NCF1: variants seen among roughly 807,000 people sequenced by gnomAD.
NCF1 encodes the protein neutrophil cytosol factor 1.
NCF1 carries 8 observed loss-of-function variants against 34.9 expected under a neutral mutation model. That is an observed-to-expected ratio of 0.23 (90% CI 0.13 to 0.41). The LOEUF (loss-of-function observed/expected upper bound fraction) is 0.41, where lower values mean the gene tolerates loss of function less well. Among genes scored for constraint, NCF1 ranks in the 10% least tolerant of loss-of-function variants. NCF1 has a pLI of 1.00. For missense variants in NCF1, 122 were observed against 362.4 expected (o/e 0.34, Z 5.39); for synonymous variants, 57 against 146.3 (o/e 0.39, Z 4.41).
At position 74,777,284 on chromosome 7, in the gene NCF1, G is replaced by A; in HGVS notation, c.90G>A (p.Val30=). ...PSQHYVYMFL[V]KWQDLSEKVV... ...TCCCCCAGGTGTACATGTTCCTGGT[G>A]AAATGGCAGGACCTGTCGGAGAAGG... Residue 30 remains valine, a synonymous_variant, in exon 2 of 11, where the codon GTG becomes GTA. Coordinates refer to ENST00000289473, the MANE Select transcript of NCF1 (RefSeq NM_000265.7). 2 of 1,612,616 alleles carry A rather than the reference G, an allele frequency of 1.2e-6. No individual in the cohort carries two copies. The highest frequency in any genetic ancestry group is 1.7e-6 in the Non-Finnish European group (2 of 1,179,186).
Position 74,788,591 on chromosome 7 carries a change from A to C in NCF1, c.938A>C (p.Gln313Pro), listed in dbSNP as rs1351990747. The C allele has an allele frequency of 3.9e-6, 6 of 1,551,574 alleles. No individual in the cohort carries two copies. The highest frequency in any genetic ancestry group is 5.2e-6 in the Non-Finnish European group (6 of 1,150,730). ...ATCCGCAACGCGCACAGCATCCACCAGCGGTCGCGGAAGCGCCTCAGCCAG... is the reference window on the plus strand; with the variant it reads ...ATCCGCAACGCGCACAGCATCCACCCGCGGTCGCGGAAGCGCCTCAGCCAG... Reference protein sequence around the residue: ...SSIRNAHSIHQRSRKRLSQDA... With the variant: ...SSIRNAHSIHPRSRKRLSQDA... Residue 313 changes from glutamine to proline, a missense_variant, in exon 10 of 11, where the codon CAG becomes CCG. By Grantham distance (76) the Gln-to-Pro change is moderately conservative. Around this residue, in one of 9 missense-constraint regions of NCF1, gnomAD observed 13 missense variants for 16.6 expected, o/e 0.78. Coordinates refer to ENST00000289473, the MANE Select transcript of NCF1 (RefSeq NM_000265.7).
At chr7:74,775,900 G>A (rs1426365687) in intron 1 of NCF1, among the ~76,000 whole-genome samples, 3 of 149,154 alleles carry the variant, frequency 2.0e-5, no homozygotes, top group South Asian at 4.3e-4. Context: ...TGCCCAGCTC[G>A]CATTTTTTGG....
chr7:74,775,802 C>T (rs1344621697), intron 1 of NCF1, among the ~76,000 whole-genome samples: 3 of 141,546 alleles, frequency 2.1e-5, no homozygotes, highest in African/African-American at 5.3e-5. Context: ...GGTGCAATCT[C>T]GGCTCATTGC....
chr7:74,782,536 GAGT>G (rs1796590567), intron 5 of NCF1, among the ~76,000 whole-genome samples: 1 of 136,286 alleles, frequency 7.3e-6, no homozygotes, highest in African/African-American at 2.8e-5. Context: ...TTGAGCCCAG[GAGT>G]TCGAGACCAG....
intron 10 of NCF1, 77 bp downstream of exon 10, chr7:74,788,781 G>A: frequency 4.0e-6 from 6 of 1,494,844 alleles, no homozygotes; most frequent in Non-Finnish European, 5.4e-6. Context: ...CAGAGGTAGG[G>A]CCAGAGTAGC....
intron 5 of NCF1, among the ~76,000 whole-genome samples, chr7:74,781,823 G>GTGCCC (rs1796573756): frequency 7.2e-6 from 1 of 139,232 alleles, no homozygotes; most frequent in African/African-American, 2.7e-5. Context: ...ATGAGCCACT[G>GTGCCC]TGCCCGGCTT....
intron 8 of NCF1, among the ~76,000 whole-genome samples, chr7:74,785,875 C>G: frequency 1.0e-5 from 1 of 97,924 alleles, no homozygotes; most frequent in African/African-American, 4.3e-5. Context: ...GAGAGCGAAA[C>G]TCCGTCTCAA....
chr7:74,777,614 A>G (rs1216503745), intron 2 of NCF1: 2 of 396,618 alleles, frequency 5.0e-6, no homozygotes, highest in Non-Finnish European at 9.8e-6. Context: ...TTTGCAGTGC[A>G]GGGGCGCAAT....
chr7:74,775,910 G>C (rs1486343777), intron 1 of NCF1, among the ~76,000 whole-genome samples: 2 of 147,764 alleles, frequency 1.4e-5, no homozygotes, highest in East Asian at 2.0e-4. Context: ...GCATTTTTTG[G>C]TAGAGACAGG....
rs587670182 is a variant in NCF1, at chr7:74,783,772, C to A, written c.682+140C>A. ...AGGGCTAAGATCTCATCGACTCTGG[C>A]TTGGGGGCCCTGGCAGGTTGTGATG... On this transcript the variant is annotated intron_variant, in intron 7 of 10. Coordinates refer to ENST00000289473, the MANE Select transcript of NCF1 (RefSeq NM_000265.7). The A allele has an allele frequency of 2.2e-4, 328 of 1,488,478 alleles. 6 individuals carry two copies. The South Asian group carries it at 3.7e-3, about 17-fold the overall frequency. The allele number at this position is 1,488,478 out of a possible 1,614,324, so 92.2% of individuals were successfully genotyped here.
intron 5 of NCF1, chr7:74,781,771 A>C (rs1554413783): frequency 1.5e-5 from 2 of 135,040 alleles, no homozygotes; most frequent in Non-Finnish European, 3.2e-5. Context: ...GGCCTCAAGC[A>C]ACCCTCCTGC....
Position 74,783,606 on chromosome 7 carries a change from C to T in NCF1, c.656C>T (p.Thr219Met), listed in dbSNP as rs147659773. 8.7e-6 allele frequency: 14 copies of T among 1,611,568 alleles called. 1 individual carries two copies. In the South Asian group the frequency reaches 8.8e-5, roughly 10 times the overall value. The change falls in exon 7 of 11, where the codon ACG becomes ATG. Residue 219 changes from threonine (T) to methionine (M), a missense_variant. Coordinates refer to ENST00000289473, the MANE Select transcript of NCF1 (RefSeq NM_000265.7). ...FLEPLDSPDETEDPEPNYAGE... is the reference protein window; with the variant it reads ...FLEPLDSPDEMEDPEPNYAGE... ...GAGCCCCTGGACAGTCCTGACGAGA[C>T]GGAAGACCCTGAGCCCAACTATGCA...
intron 8 of NCF1, among the ~76,000 whole-genome samples, chr7:74,785,883 CAAAAA>C (rs1208073697): frequency 5.8e-5 from 4 of 69,212 alleles, no homozygotes; most frequent in African/African-American, 1.8e-4. Flanking sequence ...AACTCCGTCT[CAAAAA>C]AAAAAAAAAA....
At chr7:74,782,593 G>C (rs1188500221) in intron 5 of NCF1, among the ~76,000 whole-genome samples, 1 of 150,096 alleles carries the variant, frequency 6.7e-6, no homozygotes, top group African/African-American at 2.5e-5. Flanking sequence ...AAAATTAGCC[G>C]GGTGTGGTGG....
chr7:74,788,848 G>A, intron 10 of NCF1, 144 bp downstream of exon 10: 1 of 1,309,124 alleles, frequency 7.6e-7, no homozygotes, highest in Non-Finnish European at 1.1e-6. Flanking sequence ...GGCGGGGTCA[G>A]AGGAGGAGCC....
chr7:74,777,572 G>C (rs1286982649), intron 2 of NCF1: 16 of 488,400 alleles, frequency 3.3e-5, no homozygotes, highest in Non-Finnish European at 5.3e-5. Flanking sequence ...CCCCACGCTC[G>C]GCCTTTTAGG....
chr7:74,783,578 C>G lies in NCF1; in HGVS notation c.628C>G (p.Leu210Val). ...GCGAGGCTGGATCCCAGCGTCCTTC[C>G]TCGAGCCCCTGGACAGTCCTGACGA... ...AKRGWIPASFLEPLDSPDETE... is the reference protein window; with the variant it reads ...AKRGWIPASFVEPLDSPDETE... The change falls in exon 7 of 11, where the codon CTC becomes GTC. Residue 210 changes from leucine to valine, a missense_variant. By Grantham distance (32) the Leu-to-Val change is conservative. Coordinates refer to ENST00000289473, the MANE Select transcript of NCF1 (RefSeq NM_000265.7). The G allele has an allele frequency of 6.2e-7, 1 of 1,611,900 alleles. No individual in the cohort carries two copies. The highest frequency in any genetic ancestry group is 8.5e-7 in the Non-Finnish European group (1 of 1,179,798).
Sources: allele counts gnomAD v4.1 joint callset (sites outside exome capture counted in the v4.1 genomes callset), GRCh38; gene constraint gnomAD v4.1.1; regional missense constraint gnomAD v4.1.1; transcripts MANE v1.5; gene names NCBI Gene and HGNC (gene_info 2026-07-23, HGNC 2026-07-21).